PRCD: variants seen among roughly 807,000 people sequenced by gnomAD.
PRCD encodes photoreceptor disc component.
PRCD carries 12 observed loss-of-function variants against 10.1 expected under a neutral mutation model. The observed-to-expected ratio is 1.18, with a 90% confidence interval of 0.76 to 1.92. The LOEUF is 1.92. Ranked by LOEUF, PRCD falls within the 40% of genes most tolerant of loss-of-function variation. PRCD has a pLI of 0.00. For missense variants in PRCD, 61 were observed against 72.2 expected (o/e 0.84, Z 0.56); for synonymous variants, 31 against 26.2 (o/e 1.18, Z -0.56).
Position 76,545,059 on chromosome 17 carries a change from TG to T in PRCD, c.*1416del, listed in dbSNP as rs756523596. On this transcript the variant is annotated 3_prime_UTR_variant, in exon 5 of 5. Coordinates refer to ENST00000592014, the MANE Select transcript of PRCD (RefSeq NM_001077620.3). Reference sequence around the variant, plus strand: ...CAGCTGGGGTGCCATGTGGGCCGGGTGGGGGGGCTGTCTCCCCCAGGGAGCA... The same window carrying T: ...CAGCTGGGGTGCCATGTGGGCCGGGTGGGGGGCTGTCTCCCCCAGGGAGCA... 2.4e-4 allele frequency: 101 copies of T among 422,070 alleles called. 5 individuals are homozygous for T. The Middle Eastern group carries it at 0.011, about 46-fold the overall frequency. 26.1% of individuals were successfully genotyped at this position (422,070 alleles called of 1,614,324 possible). A position where few individuals can be genotyped will look rare whatever the true frequency, so the allele number is the denominator to read the frequency against.
chr17:76,544,470 C>G lies in PRCD; in HGVS notation c.*820C>G, dbSNP rs1382328059. 1 of 455,386 alleles carries G rather than the reference C, an allele frequency of 2.2e-6. No individual in the cohort carries two copies. The highest frequency in any genetic ancestry group is 2.0e-5 in the African/African-American group (1 of 50,042). The allele number at this position is 455,386 out of a possible 1,614,324, so 28.2% of individuals were successfully genotyped here. A position where few individuals can be genotyped will look rare whatever the true frequency, so the allele number is the denominator to read the frequency against. On this transcript the variant is annotated 3_prime_UTR_variant, in exon 5 of 5. Transcript: ENST00000592014. ...GAGGGCCTGCTGGTACCTCGGGGAG[C>G]CTGGCTGGGGTGTGTGCGAAGGCAG...
rs868605420 is a variant in PRCD at position 76,528,604 on chromosome 17, C to T, written n.45+771C>T. ...TACGGCCCCGAAGAGGGCAGTGTGGCCGGTGGGCTGTGGACGAGATAGGAA... is the reference window on the plus strand; with the variant it reads ...TACGGCCCCGAAGAGGGCAGTGTGGTCGGTGGGCTGTGGACGAGATAGGAA... On this transcript the variant is annotated intron_variant and non_coding_transcript_variant, in intron 1 of 4. Transcript: ENST00000397633. This position sits in a 1 kb window ranked among gnomAD's most constrained non-coding sequence, Gnocchi z 5.8. 7.8e-7 allele frequency: 1 copy of T among 1,280,832 alleles called. No homozygotes were observed. Among genetic ancestry groups the T allele is most frequent in the Non-Finnish European group, 9.9e-7 (1 of 1,005,198 alleles). The allele number at this position is 1,280,832 out of a possible 1,614,324, so 79.3% of individuals were successfully genotyped here.
chr17:76,541,714 C>T (rs1193948083), intron 2 of PRCD, among the ~76,000 whole-genome samples: 1 of 152,206 alleles, frequency 6.6e-6, no homozygotes, highest in Non-Finnish European at 1.5e-5. Flanking sequence ...AATGACCACC[C>T]CTGGGCCTCC....
In PRCD at chr17:76,531,274, G is replaced by C; in HGVS notation, n.45+3441G>C. The C allele has an allele frequency of 2.5e-6, 3 of 1,220,778 alleles. No homozygotes were observed. Among genetic ancestry groups the C allele is most frequent in the Non-Finnish European group, 3.4e-6 (3 of 876,632 alleles). 75.6% of individuals were successfully genotyped at this position (1,220,778 alleles called of 1,614,324 possible). On this transcript the variant is annotated intron_variant and non_coding_transcript_variant, in intron 1 of 4. Transcript: ENST00000397633. This position sits in a 1 kb window ranked among gnomAD's most constrained non-coding sequence, Gnocchi z 7.4. Reference sequence around the variant, plus strand: ...ACAGTCTGGCAGCTTTGGGAACCCCGTGCTCTCAGGACAAGGGTTGCCCTG... The same window carrying C: ...ACAGTCTGGCAGCTTTGGGAACCCCCTGCTCTCAGGACAAGGGTTGCCCTG...
downstream of PRCD, among the ~76,000 whole-genome samples, chr17:76,548,160 T>C (rs2075073658): frequency 1.3e-5 from 2 of 150,766 alleles, no homozygotes; most frequent in Non-Finnish European, 3.0e-5. Context: ...CATTCACACA[T>C]ACACACACAC....
Position 76,540,106 on chromosome 17 carries a change from C to T in PRCD, c.-36C>T, listed in dbSNP as rs1194131007. ...TTGGCCCCTCGCCTGTGGCCTTCTGCAGACTTGGCCTGGGAGGGGATGGGG... is the reference window on the plus strand; with the variant it reads ...TTGGCCCCTCGCCTGTGGCCTTCTGTAGACTTGGCCTGGGAGGGGATGGGG... On this transcript the variant is annotated 5_prime_UTR_variant, in exon 1 of 5. Coordinates refer to ENST00000592014, the MANE Select transcript of PRCD (RefSeq NM_001077620.3). This position sits in a 1 kb window ranked among gnomAD's most constrained non-coding sequence, Gnocchi z 5.0. 7 of 1,580,866 alleles carry T rather than the reference C, an allele frequency of 4.4e-6. No homozygotes were observed. Among genetic ancestry groups the T allele is most frequent in the African/African-American group, 2.7e-5 (2 of 74,632 alleles).
downstream of PRCD, among the ~76,000 whole-genome samples, chr17:76,547,876 C>CACACAT (rs1276739589): frequency 6.6e-6 from 1 of 151,310 alleles, no homozygotes; most frequent in Admixed American, 6.6e-5. Context: ...TACATATTCA[C>CACACAT]ACACATACAC....
At position 76,531,422 on chromosome 17, in the gene PRCD, T is replaced by C; in HGVS notation, n.45+3589T>C. On this transcript the variant is annotated intron_variant and non_coding_transcript_variant, in intron 1 of 4. Transcript: ENST00000397633. This position sits in a 1 kb window ranked among gnomAD's most constrained non-coding sequence, Gnocchi z 7.4. Reference sequence around the variant, plus strand: ...GCGAGCTGCAGATGGCCATGACGCGTGGGCGGTGGGGGCTCTGCAGCAGAT... The same window carrying C: ...GCGAGCTGCAGATGGCCATGACGCGCGGGCGGTGGGGGCTCTGCAGCAGAT... 1 of 1,587,548 alleles carries C rather than the reference T, an allele frequency of 6.3e-7. No homozygotes were observed. The highest frequency in any genetic ancestry group is 8.6e-7 in the Non-Finnish European group (1 of 1,158,914).
rs776476129 is a variant in PRCD, at chr17:76,544,032, G to A, written c.*382G>A. The stretch of plus-strand genomic sequence containing the variant: ...CAATTTGCTGATGCTCAGTCCCGGC[G>A]GCTGCCTCCTTTGCCCCCAGCTGCT... On this transcript the variant is annotated 3_prime_UTR_variant, in exon 5 of 5. Coordinates refer to ENST00000592014, the MANE Select transcript of PRCD (RefSeq NM_001077620.3). 2 of 455,018 alleles carry A rather than the reference G, an allele frequency of 4.4e-6. No homozygotes were observed. Among genetic ancestry groups the A allele is most frequent in the African/African-American group, 2.0e-5 (1 of 49,990 alleles). 28.2% of individuals were successfully genotyped at this position (455,018 alleles called of 1,614,324 possible).
chr17:76,527,708 C>T, upstream of PRCD: 1 of 454,044 alleles, frequency 2.2e-6, no homozygotes, highest in Non-Finnish European at 4.4e-6. Flanking sequence ...CCCGGATCCC[C>T]CGGGGCTGCC....
In PRCD at chr17:76,540,266, T is replaced by TGGGG. The variant is rs2074974709; in HGVS notation, c.74+52_74+55dup. On this transcript the variant is annotated intron_variant, in intron 1 of 4. Transcript: ENST00000592014. The surrounding 1 kb of genome is among the most constrained non-coding windows in gnomAD (Gnocchi z 5.0). The stretch of plus-strand genomic sequence containing the variant: ...GGCGGTTGGTCGGGGGGGGGGGGCA[T>TGGGG]GGGGCTGGGCTGCCACCAAGCTGAA... 1 of 343,106 alleles carries TGGGG rather than the reference T, an allele frequency of 2.9e-6. No homozygotes were observed. The highest frequency in any genetic ancestry group is 5.0e-6 in the Non-Finnish European group (1 of 199,832). 21.3% of individuals were successfully genotyped at this position (343,106 alleles called of 1,614,324 possible). A position where few individuals can be genotyped will look rare whatever the true frequency, so the allele number is the denominator to read the frequency against.
chr17:76,536,758 C>T (rs879494504), upstream of PRCD, among the ~76,000 whole-genome samples: 22 of 152,298 alleles, frequency 1.4e-4, no homozygotes, highest in Non-Finnish European at 2.9e-4. Flanking sequence ...TTCTTCCCCT[C>T]ACCCTCCAAA....
chr17:76,537,579 C>A, upstream of PRCD: 1 of 1,254,094 alleles, frequency 8.0e-7, no homozygotes. Context: ...TGCTCGGCGG[C>A]GGCGGTGGCG....
chr17:76,541,116 G>A (rs1048410459), intron 2 of PRCD, among the ~76,000 whole-genome samples: 2 of 152,220 alleles, frequency 1.3e-5, no homozygotes, highest in Non-Finnish European at 2.9e-5. Context: ...CCCTAGGCTG[G>A]AGCCATGTGG....
rs532506713 is a variant in PRCD at position 76,545,079 on chromosome 17, G to C, written c.*1429G>C. Reference sequence around the variant, plus strand: ...CCGGGTGGGGGGGCTGTCTCCCCCAGGGAGCAGGCTGGCTTTGGTGGGAGC... The same window carrying C: ...CCGGGTGGGGGGGCTGTCTCCCCCACGGAGCAGGCTGGCTTTGGTGGGAGC... On this transcript the variant is annotated 3_prime_UTR_variant, in exon 5 of 5. Coordinates refer to ENST00000592014, the MANE Select transcript of PRCD (RefSeq NM_001077620.3). 8.8e-6 allele frequency: 4 copies of C among 453,322 alleles called. No homozygotes were observed. The highest frequency in any genetic ancestry group is 8.0e-5 in the African/African-American group (4 of 50,100). The allele number at this position is 453,322 out of a possible 1,614,324, so 28.1% of individuals were successfully genotyped here.
At chr17:76,529,720 G>T (rs2074812196) in intron 1 of PRCD, 2 of 985,382 alleles carry the variant, frequency 2.0e-6, no homozygotes, top group Non-Finnish European at 2.4e-6. Flanking sequence ...GACAGCTGGT[G>T]GGGGGTGAGG....
downstream of PRCD, among the ~76,000 whole-genome samples, chr17:76,547,723 A>C (rs1418277249): frequency 2.6e-5 from 4 of 151,258 alleles, no homozygotes; most frequent in African/African-American, 9.7e-5. Context: ...AGAGACACAT[A>C]CATTCACACA....
At chr17:76,543,220 G>A (rs2075013141) in intron 4 of PRCD, 99 bp downstream of exon 4, 2 of 395,752 alleles carry the variant, frequency 5.1e-6, no homozygotes, top group Non-Finnish European at 1.0e-5. Context: ...CTGGCAGAAA[G>A]AGCAGACGTG....
In PRCD at chr17:76,531,875, C is replaced by T; in HGVS notation, n.45+4042C>T. 1 of 565,042 alleles carries T rather than the reference C, an allele frequency of 1.8e-6. No individual in the cohort carries two copies. Among genetic ancestry groups the T allele is most frequent in the Non-Finnish European group, 3.1e-6 (1 of 319,692 alleles). The allele number at this position is 565,042 out of a possible 1,614,324, so 35.0% of individuals were successfully genotyped here. On this transcript the variant is annotated intron_variant and non_coding_transcript_variant, in intron 1 of 4. Coordinates refer to the PRCD transcript ENST00000397633. The surrounding 1 kb of genome is among the most constrained non-coding windows in gnomAD (Gnocchi z 7.4). The stretch of plus-strand genomic sequence containing the variant: ...TCCTCCCTCTGGCCAAGCCGGCTCA[C>T]CCCTACCAAGTCTGGCCATGTCTAT...
Sources: gnomAD v4.1 joint callset for allele counts (sites outside exome capture counted in the v4.1 genomes callset) on GRCh38, gnomAD v4.1.1 for gene constraint, Gnocchi (gnomAD v3.1) non-coding constraint, MANE v1.5 for transcripts, NCBI Gene and HGNC (gene_info 2026-07-23, HGNC 2026-07-21) for gene names.